MACROD2: variants seen among roughly 807,000 people sequenced by gnomAD.
MACROD2 encodes the protein mono-ADP ribosylhydrolase 2, also known as ADP-ribose glycohydrolase MACROD2.
In MACROD2, 36 loss-of-function variants were observed where a neutral mutation model predicts 70.4. That is an observed-to-expected ratio of 0.51 (90% confidence interval 0.39 to 0.68). The LOEUF is 0.68. MACROD2 is among the 30% of genes least tolerant of loss of function. The pLI is 0.00. For missense variants in MACROD2, 496 were observed against 538.4 expected, an observed-to-expected ratio of 0.92 and a Z score of 0.78; for synonymous variants, 172 against 178.8, an observed-to-expected ratio of 0.96 and a Z score of 0.30.
chr20:14,447,142 C>G (rs1448502375), intron 3 of MACROD2, among the ~76,000 whole-genome samples: 1 of 152,064 alleles, frequency 6.6e-6, no homozygotes, highest in Non-Finnish European at 1.5e-5. Flanking sequence ...CCTCAGCCTC[C>G]TGAGTAGCTG....
chr20:14,177,957 C>T (rs1036421162), intron 3 of MACROD2, among the ~76,000 whole-genome samples: 3 of 152,060 alleles, frequency 2.0e-5, no homozygotes, highest in African/African-American at 7.2e-5. Flanking sequence ...GGCTTTTTAA[C>T]TCTGACTTAA....
chr20:15,865,213 T>C (rs1236253858), intron 9 of MACROD2, among the ~76,000 whole-genome samples: 1 of 152,256 alleles, frequency 6.6e-6, no homozygotes, highest in African/African-American at 2.4e-5. Flanking sequence ...GTAAATTTTA[T>C]AATTGGGAAT....
chr20:15,492,889 A>G (rs1367322961), intron 7 of MACROD2, among the ~76,000 whole-genome samples: 1 of 152,188 alleles, frequency 6.6e-6, no homozygotes, highest in East Asian at 1.9e-4. Flanking sequence ...GATATTTATA[A>G]CAATACAGTA....
chr20:14,980,884 G>A (rs1037019339), intron 5 of MACROD2, among the ~76,000 whole-genome samples: 1 of 151,916 alleles, frequency 6.6e-6, no homozygotes, highest in Non-Finnish European at 1.5e-5. Context: ...CTTTTTCCTT[G>A]CTGCCTTTAA....
At chr20:15,261,980 A>T (rs2077253308) in intron 6 of MACROD2, among the ~76,000 whole-genome samples, 1 of 152,016 alleles carries the variant, frequency 6.6e-6, no homozygotes, top group Non-Finnish European at 1.5e-5. Context: ...ACAGGCATAC[A>T]ATGTATAATA....
At position 15,997,026 on chromosome 20, in the gene MACROD2, A is replaced by G. The variant is rs6034345; in HGVS notation, c.1153+9868A>G. Among the ~76,000 whole-genome samples, 487 of 152,046 alleles carry G rather than the reference A, an allele frequency of 3.2e-3. 5 individuals are homozygous for G. The highest frequency in any genetic ancestry group is 0.012 in the African/African-American group (477 of 41,458). ...TAATTGACTTTATATGCATGGGTTTATTTCCGGGATTCTCAATTCTGTTCT... is the reference window on the plus strand; with the variant it reads ...TAATTGACTTTATATGCATGGGTTTGTTTCCGGGATTCTCAATTCTGTTCT... On this transcript the variant is annotated intron_variant, in intron 15 of 17. Coordinates refer to ENST00000684519, the MANE Select transcript of MACROD2 (RefSeq NM_001351661.2).
At chr20:14,085,218 A>G (rs2054062636) in intron 2 of MACROD2, among the ~76,000 whole-genome samples, 1 of 151,112 alleles carries the variant, frequency 6.6e-6, no homozygotes, top group African/African-American at 2.4e-5. Flanking sequence ...TTGCTCAAAT[A>G]TATATATATT....
chr20:14,616,900 A>G (rs1983515816), intron 4 of MACROD2, among the ~76,000 whole-genome samples: 1 of 152,156 alleles, frequency 6.6e-6, no homozygotes, highest in Admixed American at 6.6e-5. Context: ...TTGTGAAGTC[A>G]CAGAACTGTG....
At chr20:15,740,876 G>A (rs187343666) in intron 8 of MACROD2, among the ~76,000 whole-genome samples, 27 of 151,858 alleles carry the variant, frequency 1.8e-4, no homozygotes, top group Non-Finnish European at 2.6e-4. Context: ...GTGATCACTC[G>A]GCACCATCTC....
chr20:15,558,768 G>A (rs2048202330), intron 8 of MACROD2, among the ~76,000 whole-genome samples: 1 of 152,194 alleles, frequency 6.6e-6, no homozygotes, highest in South Asian at 2.1e-4. Flanking sequence ...CTAACTCTGT[G>A]TCTGAAATTC....
chr20:14,370,102 C>T (rs1487946177), intron 3 of MACROD2, among the ~76,000 whole-genome samples: 1 of 152,088 alleles, frequency 6.6e-6, no homozygotes, highest in Non-Finnish European at 1.5e-5. Context: ...ATTAATTTAT[C>T]TCAGCTATTA....
At chr20:14,085,847 C>A in intron 3 of MACROD2, 119 bp downstream of exon 3, 1 of 539,772 alleles carries the variant, frequency 1.9e-6, no homozygotes, top group Non-Finnish European at 3.1e-6. Context: ...AATGTCTATT[C>A]TGTTTCTCTT....
chr20:14,861,033 TC>T, intron 5 of MACROD2, among the ~76,000 whole-genome samples: 1 of 152,140 alleles, frequency 6.6e-6, no homozygotes, highest in Non-Finnish European at 1.5e-5. Flanking sequence ...CAGTTTTTAT[TC>T]TGTTATATAA....
chr20:14,033,403 CA>C (rs1748734783), intron 2 of MACROD2, among the ~76,000 whole-genome samples: 1 of 151,988 alleles, frequency 6.6e-6, no homozygotes, highest in African/African-American at 2.4e-5. Context: ...TTAGATTTGT[CA>C]TAGCTGTTTT....
chr20:15,667,647 A>G (rs1318737043), intron 8 of MACROD2, among the ~76,000 whole-genome samples: 1 of 152,098 alleles, frequency 6.6e-6, no homozygotes, highest in Non-Finnish European at 1.5e-5. Flanking sequence ...AATGGACAAA[A>G]ATTACATATC....
intron 5 of MACROD2, among the ~76,000 whole-genome samples, chr20:14,997,614 C>T (rs192951433): frequency 1.2e-3 from 182 of 152,332 alleles, no homozygotes; most frequent in Middle Eastern, 3.4e-3. Flanking sequence ...TCCTAAAGTT[C>T]CCAAATTCAT....
chr20:15,362,180 T>A (rs1266406721), intron 6 of MACROD2, among the ~76,000 whole-genome samples: 2 of 151,930 alleles, frequency 1.3e-5, no homozygotes, highest in Non-Finnish European at 2.9e-5. Flanking sequence ...CCCAGTGAGT[T>A]TTTATATTTT....
chr20:15,566,602 C>G (rs2048314326), intron 8 of MACROD2, among the ~76,000 whole-genome samples: 1 of 152,048 alleles, frequency 6.6e-6, no homozygotes, highest in South Asian at 2.1e-4. Context: ...CTCATACGTT[C>G]CCTTCTAACT....
At chr20:14,207,367 TG>T (rs1346597922) in intron 3 of MACROD2, among the ~76,000 whole-genome samples, 3 of 152,204 alleles carry the variant, frequency 2.0e-5, no homozygotes, top group Admixed American at 2.0e-4. Context: ...CCCAAAGTGC[TG>T]GGATTACAGG....
Sources: allele counts gnomAD v4.1 joint callset (sites outside exome capture counted in the v4.1 genomes callset), GRCh38; gene constraint gnomAD v4.1.1; transcripts MANE v1.5; gene names NCBI Gene and HGNC (gene_info 2026-07-23, HGNC 2026-07-21).